Variants in HHLA1 observed in about 807,000 individuals in gnomAD.
HHLA1 encodes HHLA1 neighbor of OC90.
In HHLA1, 72 loss-of-function variants were observed where a neutral mutation model predicts 69.9. The observed-to-expected ratio is 1.03, with a 90% CI of 0.85 to 1.25. The LOEUF (loss-of-function observed/expected upper bound fraction) is 1.25, where lower values mean the gene tolerates loss of function less well. Ranked by LOEUF, HHLA1 falls within the 50% of genes most tolerant of loss-of-function variation. The probability of loss-of-function intolerance (pLI) is 0.00; values close to 1 mark genes in which losing one functional copy is unlikely to be tolerated. For synonymous variants in HHLA1, 252 were observed against 233.2 expected (o/e 1.08, Z -0.73); for missense variants, 685 against 642.2 (o/e 1.07, Z -0.72).
intron 10 of HHLA1, among the ~76,000 whole-genome samples, chr8:132,083,152 T>A (rs1457581210): frequency 6.6e-6 from 1 of 151,838 alleles, no homozygotes; most frequent in Non-Finnish European, 1.5e-5. Flanking sequence ...CAATGAGATA[T>A]AGCTGTAGTC....
chr8:132,087,394 G>A (rs530181993), intron 10 of HHLA1, among the ~76,000 whole-genome samples: 4 of 152,260 alleles, frequency 2.6e-5, no homozygotes, highest in Admixed American at 2.6e-4. Flanking sequence ...AGGAAAAGGT[G>A]CCCTTCCTAG....
chr8:132,081,569 A>G, intron 10 of HHLA1, among the ~76,000 whole-genome samples: 1 of 152,224 alleles, frequency 6.6e-6, no homozygotes, highest in East Asian at 1.9e-4. Context: ...CTGTTATCAG[A>G]CTGTATTGAG....
rs780379056 is a variant in HHLA1, at chr8:132,077,811, T to C, written c.1086A>G (p.Glu362=). 3 of 1,551,600 alleles carry C rather than the reference T, an allele frequency of 1.9e-6. No individual in the cohort carries two copies. Among genetic ancestry groups the C allele is most frequent in the Middle Eastern group, 1.7e-4 (1 of 5,992 alleles). The change falls in exon 12 of 17, where the codon GAA becomes GAG. Residue 362 remains glutamate, a synonymous_variant. Coordinates refer to ENST00000414222, the MANE Select transcript of HHLA1 (RefSeq NM_001145095.3). ...SSPPTTAGTE[E]AMNTTSLLAP... is the part of the protein sequence containing the mutation. ...CCAAAAGGCTTGTAGTGTTCATGGC[T>C]TCCTCGGTCCCTGCAGTAGTCGGTG...
intron 7 of HHLA1, 30 bp from the exon 8 acceptor site, chr8:132,089,629 T>G (rs1243391287): frequency 8.0e-5 from 87 of 1,081,886 alleles, no homozygotes; most frequent in Non-Finnish European, 1.2e-4. Flanking sequence ...GGTTTAAATT[T>G]CTGCTTCAGA....
At chr8:132,078,224 T>C (rs1823681989) in intron 11 of HHLA1, among the ~76,000 whole-genome samples, 1 of 151,208 alleles carries the variant, frequency 6.6e-6, no homozygotes, top group Non-Finnish European at 1.5e-5. Context: ...CCTCTAAATC[T>C]CTAGGACCCC....
intron 14 of HHLA1, among the ~76,000 whole-genome samples, chr8:132,074,588 T>C (rs983274681): frequency 2.6e-5 from 4 of 151,868 alleles, no homozygotes; most frequent in Non-Finnish European, 5.9e-5. Flanking sequence ...GGATGCCAAA[T>C]ACTTTGTGGC....
intron 14 of HHLA1, among the ~76,000 whole-genome samples, chr8:132,075,583 C>G (rs577997326): frequency 6.6e-6 from 1 of 152,354 alleles, no homozygotes; most frequent in South Asian, 2.1e-4. Flanking sequence ...AACAGGACAT[C>G]ATACCCAGCA....
chr8:132,067,466 C>T (rs1443725592), intron 15 of HHLA1, among the ~76,000 whole-genome samples: 1 of 152,148 alleles, frequency 6.6e-6, no homozygotes, highest in Non-Finnish European at 1.5e-5. Flanking sequence ...GCTTACGAAC[C>T]TGTACTCTTA....
chr8:132,072,531 T>C (rs1586724436), intron 14 of HHLA1, among the ~76,000 whole-genome samples: 2 of 152,276 alleles, frequency 1.3e-5, no homozygotes, highest in Middle Eastern at 6.8e-3. Flanking sequence ...AAAAGGGCCT[T>C]CCTCTCACAG....
Position 132,063,965 on chromosome 8 carries a change from T to C in HHLA1, c.*30A>G, listed in dbSNP as rs1823393671. On this transcript the variant is annotated 3_prime_UTR_variant, in exon 17 of 17. Transcript: ENST00000414222. ...GTGGATGGCGTATCCCCTGAAGTAA[T>C]TGTTATGCCCTAGTGTTATTTTCAA... is the stretch of plus-strand genomic sequence containing the variant. 7.9e-7 allele frequency: 1 copy of C among 1,260,394 alleles called. No individual in the cohort carries two copies. The highest frequency in any genetic ancestry group is 1.0e-6 in the Non-Finnish European group (1 of 953,508). 78.1% of individuals were successfully genotyped at this position (1,260,394 alleles called of 1,614,324 possible).
rs527600528 is a variant in HHLA1 at position 132,076,954 on chromosome 8, A to G, written c.1172-411T>C. 2.0e-4 allele frequency among the ~76,000 whole-genome samples: 30 copies of G among 152,292 alleles called. No homozygotes were observed. The East Asian group carries it at 5.6e-3, about 28-fold the overall frequency. On this transcript the variant is annotated intron_variant, in intron 12 of 16. Transcript: ENST00000414222. Reference sequence around the variant, plus strand: ...TCCCACCCCCGACAAATTGCCTGTCATATTCATGACAGAGTACGGGCTCAG... The same window carrying G: ...TCCCACCCCCGACAAATTGCCTGTCGTATTCATGACAGAGTACGGGCTCAG...
At chr8:132,090,787 C>T (rs1179165594) in intron 7 of HHLA1, among the ~76,000 whole-genome samples, 2 of 135,924 alleles carry the variant, frequency 1.5e-5, no homozygotes, top group Non-Finnish European at 3.1e-5. Flanking sequence ...GAGATGGAGT[C>T]TCGCTCTGTG....
chr8:132,095,557 T>A lies in HHLA1; in HGVS notation c.410A>T (p.Tyr137Phe), dbSNP rs1563747883. The change falls in exon 7 of 17, where the codon TAT (tyrosine) becomes TTT (phenylalanine). Residue 137 changes from tyrosine to phenylalanine, a missense_variant. Transcript: ENST00000414222. Reference sequence around the variant, plus strand: ...GGTCCGATTGTTTAAACAGTAGCAATACCTTGTGGGGAATTTGGCGGGGTC... The same window carrying A: ...GGTCCGATTGTTTAAACAGTAGCAAAACCTTGTGGGGAATTTGGCGGGGTC... The part of the protein sequence containing the change: ...TVDPAKFPTR[Y>F]CYCLNNRTND... 1 of 1,550,264 alleles carries A rather than the reference T, an allele frequency of 6.5e-7. No individual in the cohort carries two copies. The highest frequency in any genetic ancestry group is 8.7e-7 in the Non-Finnish European group (1 of 1,145,572).
At chr8:132,110,208 C>T (rs899044071) in intron 1 of HHLA1, among the ~76,000 whole-genome samples, 3 of 152,136 alleles carry the variant, frequency 2.0e-5, no homozygotes, top group Non-Finnish European at 2.9e-5. Flanking sequence ...GGAGTGTCAG[C>T]GGGTGTGGGC....
intron 3 of HHLA1, among the ~76,000 whole-genome samples, chr8:132,103,618 AAAATAAATAAAT>A (rs144841392): frequency 7.3e-5 from 11 of 151,688 alleles, no homozygotes; most frequent in Middle Eastern, 3.4e-3. Context: ...ACCCCATCTC[AAAATAAATAAAT>A]AAATAAATAA....
At position 132,093,548 on chromosome 8, in the gene HHLA1, C is replaced by T. The variant is rs910009828; in HGVS notation, c.448+1971G>A. The stretch of plus-strand genomic sequence containing the variant: ...CTACGTGTACAGCCTCTCATGGTAG[C>T]GCTGTGACTTCTTGTCAAACCTGGC... On this transcript the variant is annotated intron_variant, in intron 7 of 16. Coordinates refer to ENST00000414222, the MANE Select transcript of HHLA1 (RefSeq NM_001145095.3). Among the ~76,000 whole-genome samples, 54 of 152,120 alleles carry T rather than the reference C, an allele frequency of 3.5e-4. 1 individual carries two copies. Among genetic ancestry groups the T allele is most frequent in the African/African-American group, 1.2e-3 (50 of 41,410 alleles).
At chr8:132,098,081 A>T (rs181634692) in intron 5 of HHLA1, among the ~76,000 whole-genome samples, 59 of 152,354 alleles carry the variant, frequency 3.9e-4, no homozygotes, top group African/African-American at 1.4e-3. Context: ...TTACTGCCTT[A>T]TCCTCCAATA....
chr8:132,071,003 C>T (rs1460506561), intron 15 of HHLA1, among the ~76,000 whole-genome samples: 1 of 152,122 alleles, frequency 6.6e-6, no homozygotes, highest in Non-Finnish European at 1.5e-5. Context: ...CAACTCAACA[C>T]AACTCAACTC....
intron 10 of HHLA1, among the ~76,000 whole-genome samples, chr8:132,086,602 A>G (rs1823868201): frequency 6.6e-6 from 1 of 152,158 alleles, no homozygotes; most frequent in Admixed American, 6.5e-5. Flanking sequence ...TGGGACAATT[A>G]ATTGAGACTG....
Sources: allele counts gnomAD v4.1 joint callset (sites outside exome capture counted in the v4.1 genomes callset), GRCh38; gene constraint gnomAD v4.1.1; transcripts MANE v1.5; gene names NCBI Gene and HGNC (gene_info 2026-07-23, HGNC 2026-07-21).